Variants in MISP observed in about 807,000 individuals in gnomAD.
MISP encodes mitotic interactor and substrate of PLK1.
A neutral mutation model predicts 49.3 loss-of-function variants in MISP; 51 were observed. The ratio of observed to expected loss-of-function variants is 1.03; its 90% CI spans 0.83 to 1.31. The LOEUF (loss-of-function observed/expected upper bound fraction) is 1.31, where lower values mean the gene tolerates loss of function less well. Among genes scored for constraint, MISP ranks in the 50% most tolerant of loss-of-function variants. The probability of loss-of-function intolerance (pLI) is 0.00; values close to 1 mark genes in which losing one functional copy is unlikely to be tolerated. For missense variants in MISP, 1,084 were observed against 935.1 expected (o/e 1.16, Z -2.08); for synonymous variants, 444 against 392.6 (o/e 1.13, Z -1.55).
Position 753,581 on chromosome 19 carries a change from G to C in MISP, c.-58+2410G>C, listed in dbSNP as rs180949662. Among the ~76,000 whole-genome samples the C allele has an allele frequency of 4.1e-4, 62 of 151,560 alleles. No homozygotes were observed. The Middle Eastern group carries it at 0.01, about 25-fold the overall frequency. ...TTTTTGTATTTTTAGTAGAGATGGG[G>C]TTTCACCATTTTAGCCAGGATGGTC... is the stretch of plus-strand genomic sequence containing the variant. On this transcript the variant is annotated intron_variant, in intron 1 of 4. Coordinates refer to ENST00000215582, the MANE Select transcript of MISP (RefSeq NM_173481.4).
upstream of MISP, among the ~76,000 whole-genome samples, chr19:749,124 C>T (rs1176589194): frequency 1.3e-5 from 2 of 152,136 alleles, no homozygotes; most frequent in African/African-American, 4.8e-5. Context: ...GGCGACAGAG[C>T]GAGACTCTGT....
intron 1 of MISP, among the ~76,000 whole-genome samples, chr19:752,958 G>C (rs1307663903): frequency 6.6e-6 from 1 of 152,244 alleles, no homozygotes; most frequent in East Asian, 1.9e-4. Flanking sequence ...TGGGATGAGT[G>C]GTGTTTGCCC....
At chr19:751,965 A>C (rs1207433092) in intron 1 of MISP, among the ~76,000 whole-genome samples, 1 of 152,188 alleles carries the variant, frequency 6.6e-6, no homozygotes, top group Non-Finnish European at 1.5e-5. Flanking sequence ...ACCAGGGTCC[A>C]TAAACCCAGT....
At chr19:758,867 C>T (rs1049087171) in intron 2 of MISP, 141 bp downstream of exon 2, 6 of 640,292 alleles carry the variant, frequency 9.4e-6, no homozygotes, top group East Asian at 8.4e-5. Context: ...TCCCCTCAGT[C>T]GCTGGTTTGT....
In MISP at chr19:757,597, G is replaced by A. The variant is rs1237791601; in HGVS notation, c.651G>A (p.Arg217=). 1 of 1,612,558 alleles carries A rather than the reference G, an allele frequency of 6.2e-7. No homozygotes were observed. The highest frequency in any genetic ancestry group is 8.5e-7 in the Non-Finnish European group (1 of 1,179,650). Residue 217 remains arginine (R), a synonymous_variant, in exon 2 of 5, where the codon AGG becomes AGA. Coordinates refer to ENST00000215582, the MANE Select transcript of MISP (RefSeq NM_173481.4). ...NKGAPHSSPA[R]GTPAGTTPGA... ...GGGCCCCTCATAGCTCCCCGGCCAG[G>A]GGGACCCCTGCAGGCACAACCCCAG...
At chr19:755,198 G>A (rs137914864) in intron 1 of MISP, among the ~76,000 whole-genome samples, 5 of 152,286 alleles carry the variant, frequency 3.3e-5, no homozygotes, top group Admixed American at 6.5e-5. Context: ...TGTGACCTCC[G>A]GGAAGGCTCC....
chr19:757,617 C>T lies in MISP; in HGVS notation c.671C>T (p.Thr224Ile), dbSNP rs1314950883. Residue 224 changes from threonine to isoleucine, a missense_variant, in exon 2 of 5, where the codon ACC becomes ATC. Coordinates refer to ENST00000215582, the MANE Select transcript of MISP (RefSeq NM_173481.4). The part of the protein sequence containing the change: ...SPARGTPAGT[T>I]PGASQAPKAF... ...GCCAGGGGGACCCCTGCAGGCACAA[C>T]CCCAGGGGCCAGCCAGGCCCCCAAG... is the stretch of plus-strand genomic sequence containing the variant. The T allele has an allele frequency of 6.2e-7, 1 of 1,612,432 alleles. No homozygotes were observed.
rs754864934 is a variant in MISP at position 757,669 on chromosome 19, C to T, written c.723C>T (p.Asn241=). Residue 241 remains asparagine (N), a synonymous_variant, in exon 2 of 5, where the codon AAC becomes AAT. Coordinates refer to ENST00000215582, the MANE Select transcript of MISP (RefSeq NM_173481.4). ...CCTTCAACAAGCCCCACCTGGCCAA[C>T]GGGCACGTGGTTCCCATCAAGCCCC... ...PKAFNKPHLA[N]GHVVPIKPQV... 66 of 1,613,450 alleles carry T rather than the reference C, an allele frequency of 4.1e-5. No homozygotes were observed. The Middle Eastern group carries it at 1.3e-3, about 32-fold the overall frequency.
intron 1 of MISP, among the ~76,000 whole-genome samples, chr19:752,381 G>A (rs905014272): frequency 7.2e-5 from 11 of 152,234 alleles, no homozygotes; most frequent in South Asian, 2.1e-4. Flanking sequence ...AAACTTAGCC[G>A]GGCGTGGTGG....
intron 1 of MISP, among the ~76,000 whole-genome samples, chr19:756,671 G>A (rs1055579226): frequency 1.3e-5 from 2 of 149,204 alleles, no homozygotes; most frequent in African/African-American, 5.2e-5. Flanking sequence ...GTTAGAGAAT[G>A]GGATGCACTG....
At chr19:753,363 A>AAGTTTTTC (rs2033489449) in intron 1 of MISP, among the ~76,000 whole-genome samples, 1 of 151,540 alleles carries the variant, frequency 6.6e-6, no homozygotes, top group Non-Finnish European at 1.5e-5. Context: ...GAGAGGGGCT[A>AAGTTTTTC]AGTTTTTCTT....
At chr19:762,429 T>A (rs1023610379) in intron 4 of MISP, among the ~76,000 whole-genome samples, 4 of 151,396 alleles carry the variant, frequency 2.6e-5, no homozygotes, top group Non-Finnish European at 5.9e-5. Context: ...ATTTTTGTAT[T>A]TTTAGCAGAG....
rs756144674 is a variant in MISP, at chr19:757,427, C to T, written c.481C>T (p.Leu161Phe). 6.3e-7 allele frequency: 1 copy of T among 1,596,602 alleles called. No individual in the cohort carries two copies. The highest frequency in any genetic ancestry group is 1.1e-5 in the South Asian group (1 of 89,024). Residue 161 changes from leucine (L) to phenylalanine (F), a missense_variant, in exon 2 of 5, where the codon CTC (leucine) becomes TTC (phenylalanine). By Grantham distance (22) the Leu-to-Phe change is conservative. Coordinates refer to ENST00000215582, the MANE Select transcript of MISP (RefSeq NM_173481.4). ...CAGGAAGAGCAGCACCGTGGCCACG[C>T]TCCAGGGCACTCCTGACCACGGAGA... is the stretch of plus-strand genomic sequence containing the variant. Reference protein sequence around the residue: ...AVRKSSTVATLQGTPDHGDPR... With the variant: ...AVRKSSTVATFQGTPDHGDPR...
At position 763,886 on chromosome 19, in the gene MISP, A is replaced by C. The variant is rs112903890; in HGVS notation, c.*296A>C. ...TTTGCCAAATGCCCTGGGTCTAAGA[A>C]AGAAAGAGACCCGCTCCTCCACTTT... On this transcript the variant is annotated 3_prime_UTR_variant, in exon 5 of 5. Coordinates refer to ENST00000215582, the MANE Select transcript of MISP (RefSeq NM_173481.4). 28,482 of 376,926 alleles carry C rather than the reference A, an allele frequency of 0.076. 1,235 individuals carry two copies. The highest frequency in any genetic ancestry group is 0.091 in the African/African-American group (4,451 of 48,714). The allele number at this position is 376,926 out of a possible 1,614,324, so 23.3% of individuals were successfully genotyped here.
chr19:758,512 C>G lies in MISP; in HGVS notation c.1566C>G (p.Val522=). 6.2e-7 allele frequency: 1 copy of G among 1,614,098 alleles called. No individual in the cohort carries two copies. Among genetic ancestry groups the G allele is most frequent in the Non-Finnish European group, 8.5e-7 (1 of 1,179,956 alleles). The part of the protein sequence containing the change: ...RAPDEPQQAQ[V]PHVWGWEVAG... ...CAGACGAGCCCCAGCAGGCCCAAGT[C>G]CCCCATGTCTGGGGCTGGGAGGTGG... The change falls in exon 2 of 5, where the codon GTC becomes GTG. Residue 522 remains valine, a synonymous_variant. Transcript: ENST00000215582.
At chr19:756,595 G>A (rs2033552644) in intron 1 of MISP, among the ~76,000 whole-genome samples, 2 of 152,204 alleles carry the variant, frequency 1.3e-5, no homozygotes, top group South Asian at 4.1e-4. Flanking sequence ...GCCAATCACA[G>A]AGATTAGACA....
chr19:763,524 C>G lies in MISP; in HGVS notation c.1974C>G (p.Thr658=). 3.7e-6 allele frequency: 6 copies of G among 1,614,018 alleles called. No individual in the cohort carries two copies. Among genetic ancestry groups the G allele is most frequent in the Non-Finnish European group, 4.2e-6 (5 of 1,179,954 alleles). ...AGGTCCTGGAAGCCATACGGGTGAC[C>G]CGTCACAAGAACGCCATGGCAGAGC... The part of the protein sequence containing the change: ...NSEVLEAIRV[T]RHKNAMAERW... The change falls in exon 5 of 5, where the codon ACC becomes ACG. Residue 658 remains threonine, a synonymous_variant. Coordinates refer to ENST00000215582, the MANE Select transcript of MISP (RefSeq NM_173481.4).
intron 4 of MISP, among the ~76,000 whole-genome samples, chr19:762,051 C>T (rs2033681152): frequency 6.7e-6 from 1 of 149,806 alleles, no homozygotes; most frequent in Non-Finnish European, 1.5e-5. Flanking sequence ...GGGTTCACGC[C>T]ATTCTCCTGC....
At chr19:754,448 G>A (rs1297436966) in intron 1 of MISP, among the ~76,000 whole-genome samples, 2 of 151,950 alleles carry the variant, frequency 1.3e-5, no homozygotes, top group Non-Finnish European at 2.9e-5. Flanking sequence ...GGGCGACAGA[G>A]TGAGACTCCG....
Sources: allele counts gnomAD v4.1 joint callset (sites outside exome capture counted in the v4.1 genomes callset), GRCh38; gene constraint gnomAD v4.1.1; transcripts MANE v1.5; gene names NCBI Gene and HGNC (gene_info 2026-07-23, HGNC 2026-07-21).